The following CPLX1 variants were observed in gnomAD, a reference collection of about 807,000 sequenced individuals.
CPLX1 encodes complexin-1.
Under a neutral mutation model 15.6 loss-of-function variants are expected in CPLX1, and 6 were observed. That is an observed-to-expected ratio of 0.39 (90% CI 0.21 to 0.76). CPLX1 has a LOEUF of 0.76. Ranked by LOEUF, CPLX1 falls within the 30% of genes least tolerant of loss-of-function variation. CPLX1 has a pLI of 0.43. For missense variants in CPLX1, 242 were observed against 188.6 expected (o/e 1.28, Z -1.66); for synonymous variants, 91 against 75.2 (o/e 1.21, Z -1.08).
chr4:812,363 C>T (rs1456872075), intron 2 of CPLX1, among the ~76,000 whole-genome samples: 1 of 152,328 alleles, frequency 6.6e-6, no homozygotes, highest in East Asian at 1.9e-4. Context: ...AGGCAGGAGC[C>T]ACCGCACCCA....
chr4:791,435 G>A (rs1011562048), intron 3 of CPLX1, among the ~76,000 whole-genome samples: 3 of 152,124 alleles, frequency 2.0e-5, no homozygotes, highest in African/African-American at 7.2e-5. Flanking sequence ...GCGGCTGCAT[G>A]TGCCGCACCT....
chr4:812,118 A>C (rs1576995581), intron 2 of CPLX1, among the ~76,000 whole-genome samples: 1 of 152,136 alleles, frequency 6.6e-6, no homozygotes, highest in African/African-American at 2.4e-5. Context: ...TCTGTCACCC[A>C]GGTTGGAGTG....
chr4:786,628 C>T lies in CPLX1; in HGVS notation c.278G>A (p.Ser93Asn), dbSNP rs1190074504. 5 of 1,612,648 alleles carry T rather than the reference C, an allele frequency of 3.1e-6. No individual in the cohort carries two copies. Among genetic ancestry groups the T allele is most frequent in the African/African-American group, 2.7e-5 (2 of 74,948 alleles). ...QAAMEANSEG[S>N]LTRPKKAIPP... Reference sequence around the variant, plus strand: ...GATGGCCTTCTTGGGCCGCGTCAAGCTCCCCTCGGAGTTGGCCTCCATGGC... The same window carrying T: ...GATGGCCTTCTTGGGCCGCGTCAAGTTCCCCTCGGAGTTGGCCTCCATGGC... Residue 93 changes from serine to asparagine, a missense_variant, in exon 4 of 4, where the codon AGC (serine) becomes AAC (asparagine). Ser to Asn is a conservative substitution (Grantham distance 46). Coordinates refer to ENST00000304062, the MANE Select transcript of CPLX1 (RefSeq NM_006651.4).
intron 2 of CPLX1, among the ~76,000 whole-genome samples, chr4:813,693 C>T (rs554664477): frequency 6.6e-6 from 1 of 152,336 alleles, no homozygotes; most frequent in South Asian, 2.1e-4. Context: ...AGCCCTCACT[C>T]AAGCCCAGTC....
intron 3 of CPLX1, 176 bp from the exon 4 acceptor site, chr4:786,874 G>A (rs1214145191): frequency 1.0e-6 from 1 of 983,696 alleles, no homozygotes. Context: ...GGTCCCTGGA[G>A]GAATGGGAAG....
intron 2 of CPLX1, among the ~76,000 whole-genome samples, chr4:810,270 C>T (rs1011143724): frequency 9.9e-5 from 15 of 151,938 alleles, no homozygotes; most frequent in African/African-American, 2.7e-4. Flanking sequence ...AGGATGGTCT[C>T]GATCTCCTGA....
chr4:800,738 T>A (rs201851719), intron 2 of CPLX1, among the ~76,000 whole-genome samples: 15 of 47,198 alleles, frequency 3.2e-4, no homozygotes, highest in African/African-American at 2.8e-3. Flanking sequence ...AAAAAAAATA[T>A]ATATATATAT....
In CPLX1 at chr4:785,367, A is replaced by C. The variant is rs1745949137; in HGVS notation, c.*1134T>G. On this transcript the variant is annotated 3_prime_UTR_variant, in exon 4 of 4. Coordinates refer to ENST00000304062, the MANE Select transcript of CPLX1 (RefSeq NM_006651.4). The stretch of plus-strand genomic sequence containing the variant: ...TTCTCTAAAGCTATGTAAGGTCATG[A>C]AGGTCAATGCCAAGCCACGCCCTGG... 6.6e-6 allele frequency: 1 copy of C among 152,472 alleles called. No homozygotes were observed. The highest frequency in any genetic ancestry group is 1.5e-5 in the Non-Finnish European group (1 of 68,032). 9.4% of individuals were successfully genotyped at this position (152,472 alleles called of 1,614,324 possible). A position where few individuals can be genotyped will look rare whatever the true frequency, so the allele number is the denominator to read the frequency against.
rs1746216053 is a variant in CPLX1, at chr4:792,574, A to C, written c.66T>G (p.Gly22=). Residue 22 remains glycine, a synonymous_variant, in exon 3 of 4, where the codon GGT becomes GGG. Coordinates refer to ENST00000304062, the MANE Select transcript of CPLX1 (RefSeq NM_006651.4). The part of the protein sequence containing the change: ...ATKDMGKMLG[G]DEEKDPDAAK... ...CGGCGTCTGGGTCCTTCTCCTCGTC[A>C]CCCCCCAGCATCTTCCCCATGTCCT... The C allele has an allele frequency of 1.2e-6, 2 of 1,604,424 alleles. No homozygotes were observed. Among genetic ancestry groups the C allele is most frequent in the African/African-American group, 1.4e-5 (1 of 72,684 alleles).
intron 2 of CPLX1, among the ~76,000 whole-genome samples, chr4:819,581 G>A (rs1746822607): frequency 6.6e-6 from 1 of 152,232 alleles, no homozygotes; most frequent in Admixed American, 6.5e-5. Flanking sequence ...CACACTGCTG[G>A]GGGGTCATTG....
intron 2 of CPLX1, among the ~76,000 whole-genome samples, chr4:817,630 A>T (rs1218752488): frequency 6.6e-6 from 1 of 152,184 alleles, no homozygotes; most frequent in Admixed American, 6.5e-5. Flanking sequence ...AATCAGGATA[A>T]TTTAATATTA....
At chr4:805,448 AAATCACAAGTGT>A (rs745310773) in intron 2 of CPLX1, among the ~76,000 whole-genome samples, 4 of 152,216 alleles carry the variant, frequency 2.6e-5, no homozygotes, top group Non-Finnish European at 5.9e-5. Flanking sequence ...AAAAACCAGG[AAATCACAAGTGT>A]TGGCAACAAT....
At chr4:805,699 C>G (rs1746544188) in intron 2 of CPLX1, among the ~76,000 whole-genome samples, 1 of 152,206 alleles carries the variant, frequency 6.6e-6, no homozygotes, top group Non-Finnish European at 1.5e-5. Context: ...GGAGAAACAA[C>G]CCAGGGTGTC....
At chr4:817,088 G>T (rs1746770583) in intron 2 of CPLX1, among the ~76,000 whole-genome samples, 1 of 152,092 alleles carries the variant, frequency 6.6e-6, no homozygotes, top group African/African-American at 2.4e-5. Context: ...ACAGAGGTTA[G>T]ATCACATATG....
chr4:817,084 G>A (rs921159943), intron 2 of CPLX1, among the ~76,000 whole-genome samples: 2 of 152,058 alleles, frequency 1.3e-5, no homozygotes, highest in African/African-American at 2.4e-5. Context: ...GATGACAGAG[G>A]TTAGATCACA....
At chr4:795,331 G>T (rs1027669688) in intron 2 of CPLX1, among the ~76,000 whole-genome samples, 3 of 152,186 alleles carry the variant, frequency 2.0e-5, no homozygotes, top group Non-Finnish European at 1.5e-5. Context: ...GCACTGCTGC[G>T]ACCCCGCCGG....
At chr4:803,540 G>A (rs1032827099) in intron 2 of CPLX1, among the ~76,000 whole-genome samples, 10 of 151,736 alleles carry the variant, frequency 6.6e-5, no homozygotes, top group African/African-American at 1.7e-4. Context: ...GCAGGCGTCC[G>A]CCACCGCGCC....
chr4:807,025 G>C (rs1038212564), intron 2 of CPLX1, among the ~76,000 whole-genome samples: 19 of 152,150 alleles, frequency 1.2e-4, no homozygotes, highest in African/African-American at 4.6e-4. Flanking sequence ...ATATGTACGT[G>C]TATGTTCATT....
intron 2 of CPLX1, among the ~76,000 whole-genome samples, chr4:803,815 G>A (rs1746505639): frequency 6.6e-6 from 1 of 152,180 alleles, no homozygotes; most frequent in African/African-American, 2.4e-5. Flanking sequence ...GATTACAGGC[G>A]TGTGCCACCA....
Sources: gnomAD v4.1 joint callset for allele counts (sites outside exome capture counted in the v4.1 genomes callset) on GRCh38, gnomAD v4.1.1 for gene constraint, MANE v1.5 for transcripts, NCBI Gene and HGNC (gene_info 2026-07-23, HGNC 2026-07-21) for gene names.